CACUL1: variants seen among roughly 807,000 people sequenced by gnomAD.
CACUL1 encodes CDK2 associated cullin domain 1.
Under a neutral mutation model 45.2 loss-of-function variants are expected in CACUL1, and 13 were observed. The observed-to-expected ratio is 0.29, with a 90% CI of 0.19 to 0.46. The LOEUF (loss-of-function observed/expected upper bound fraction) is 0.46, where lower values mean the gene tolerates loss of function less well. CACUL1 is among the 20% of genes least tolerant of loss of function. CACUL1 has a pLI of 1.00. For synonymous variants in CACUL1, 197 were observed against 174.2 expected, an observed-to-expected ratio of 1.13 and a Z score of -1.03; for missense variants, 421 against 471.4, an observed-to-expected ratio of 0.89 and a Z score of 0.99.
chr10:118,744,382 G>A (rs540348238), intron 1 of CACUL1, among the ~76,000 whole-genome samples: 11 of 150,806 alleles, frequency 7.3e-5, no homozygotes, highest in South Asian at 4.2e-4. Flanking sequence ...GCAAAACTCC[G>A]TCTCAAAACA....
At chr10:118,691,947 T>G (rs1361435939) in intron 6 of CACUL1, among the ~76,000 whole-genome samples, 2 of 151,096 alleles carry the variant, frequency 1.3e-5, no homozygotes, top group Admixed American at 6.6e-5. Flanking sequence ...TTTAACAGAA[T>G]TTAGTGAAAA....
At chr10:118,727,194 G>C (rs1465461625) in intron 3 of CACUL1, among the ~76,000 whole-genome samples, 1 of 151,998 alleles carries the variant, frequency 6.6e-6, no homozygotes, top group African/African-American at 2.4e-5. Context: ...TTTGAGACCA[G>C]CATGAGCAAC....
chr10:118,700,212 G>A (rs1457804745), intron 5 of CACUL1, among the ~76,000 whole-genome samples: 1 of 152,034 alleles, frequency 6.6e-6, no homozygotes, highest in Non-Finnish European at 1.5e-5. Flanking sequence ...ACGGCTCAAA[G>A]GAAAGCAAAA....
rs1281797049 is a variant in CACUL1 at position 118,754,795 on chromosome 10, G to C, written c.-33C>G. 1 of 1,523,976 alleles carries C rather than the reference G, an allele frequency of 6.6e-7. No individual in the cohort carries two copies. The allele number at this position is 1,523,976 out of a possible 1,614,324, so 94.4% of individuals were successfully genotyped here. On this transcript the variant is annotated 5_prime_UTR_variant, in exon 1 of 9. Transcript: ENST00000369151. Reference sequence around the variant, plus strand: ...GCCCCCGGCACCCGCCCGCCTCACAGGCACCTGCCGCCTGTCTCAACCCCG... The same window carrying C: ...GCCCCCGGCACCCGCCCGCCTCACACGCACCTGCCGCCTGTCTCAACCCCG...
At chr10:118,706,807 G>T (rs759423703) in intron 4 of CACUL1, among the ~76,000 whole-genome samples, 16 of 152,118 alleles carry the variant, frequency 1.1e-4, no homozygotes, top group Non-Finnish European at 2.2e-4. Flanking sequence ...GGGTAGTTTT[G>T]TTTTGTTTTT....
chr10:118,709,461 G>C (rs1033479908), intron 3 of CACUL1, among the ~76,000 whole-genome samples: 3 of 152,204 alleles, frequency 2.0e-5, no homozygotes, highest in African/African-American at 7.2e-5. Context: ...TCTAAGACTA[G>C]ACCGTTAGCC....
intron 5 of CACUL1, among the ~76,000 whole-genome samples, chr10:118,700,270 G>A (rs1207613496): frequency 6.6e-6 from 1 of 152,140 alleles, no homozygotes; most frequent in Non-Finnish European, 1.5e-5. Context: ...AAAATGACTT[G>A]ATGTGTCACA....
At chr10:118,697,268 CAAAATAAAA>C (rs1413079327) in intron 5 of CACUL1, among the ~76,000 whole-genome samples, 1 of 152,000 alleles carries the variant, frequency 6.6e-6, no homozygotes, top group East Asian at 1.9e-4. Context: ...AAACTGAGGC[CAAAATAAAA>C]ACTCATCACT....
Position 118,730,392 on chromosome 10 carries a change from A to C in CACUL1, c.386T>G (p.Ile129Ser). Residue 129 changes from isoleucine (I) to serine (S), a missense_variant, in exon 2 of 9, where the codon ATT becomes AGT. Ile to Ser is a moderately radical substitution (Grantham distance 142). Transcript: ENST00000369151. ...CCAGTATGTGCTCTTATAATCTTCA[A>C]TAGTTATAACATTCATTACTAAAAG... ...TSKFLMNVIT[I>S]EDYKSTYWPK... The C allele has an allele frequency of 6.2e-7, 1 of 1,612,918 alleles. No homozygotes were observed. Among genetic ancestry groups the C allele is most frequent in the Non-Finnish European group, 8.5e-7 (1 of 1,179,042 alleles).
Position 118,742,317 on chromosome 10 carries a change from T to A in CACUL1, c.368-11907A>T, listed in dbSNP as rs1326194. ...CCTGTCAAGACATACCATAAAAGGA[T>A]ATTAACAATCAACCTTTATATAGTG... On this transcript the variant is annotated intron_variant, in intron 1 of 8. Coordinates refer to ENST00000369151, the MANE Select transcript of CACUL1 (RefSeq NM_153810.5). 8.8e-4 allele frequency among the ~76,000 whole-genome samples: 134 copies of A among 152,344 alleles called. 1 individual carries two copies. Among genetic ancestry groups the A allele is most frequent in the African/African-American group, 3.1e-3 (128 of 41,578 alleles).
rs1036586798 is a variant in CACUL1, at chr10:118,729,283, T to A, written c.597+12A>T. The A allele has an allele frequency of 1.9e-6, 3 of 1,594,736 alleles. No individual in the cohort carries two copies. In the African/African-American group the frequency reaches 4.0e-5, roughly 21 times the overall value. On this transcript the variant is annotated intron_variant, in intron 3 of 8. Coordinates refer to ENST00000369151, the MANE Select transcript of CACUL1 (RefSeq NM_153810.5). ...CCCAAGGAAGCAAAAATCAATACAA[T>A]CAGTTCTTTACCTGCAGCTCCTTTG...
chr10:118,696,777 A>G (rs915706577), intron 5 of CACUL1, among the ~76,000 whole-genome samples: 2 of 152,264 alleles, frequency 1.3e-5, no homozygotes, highest in African/African-American at 4.8e-5. Context: ...ATGTTGCTTT[A>G]AAATGCAGTG....
intron 6 of CACUL1, among the ~76,000 whole-genome samples, chr10:118,691,866 CAAAAAAAAAAAAAAA>C (rs754241223): frequency 4.2e-5 from 4 of 95,460 alleles, no homozygotes; most frequent in African/African-American, 1.6e-4. Flanking sequence ...GACTCCGTCT[CAAAAAAAAAAAAAAA>C]AAAAAAAAAG....
chr10:118,688,640 A>G (rs1845231374), intron 7 of CACUL1, among the ~76,000 whole-genome samples: 1 of 152,170 alleles, frequency 6.6e-6, no homozygotes, highest in African/African-American at 2.4e-5. Flanking sequence ...TGCTCAGCTA[A>G]AAGACCTATG....
intron 6 of CACUL1, among the ~76,000 whole-genome samples, chr10:118,694,528 G>C (rs1554894347): frequency 6.6e-6 from 1 of 152,158 alleles, no homozygotes; most frequent in Non-Finnish European, 1.5e-5. Context: ...TAAGTTGCTA[G>C]ACAACTCTAT....
At chr10:118,718,869 G>A (rs1407436040) in intron 3 of CACUL1, among the ~76,000 whole-genome samples, 1 of 152,186 alleles carries the variant, frequency 6.6e-6, no homozygotes, top group Non-Finnish European at 1.5e-5. Flanking sequence ...CACCGCGCCC[G>A]GCCAAGGCAT....
chr10:118,686,822 A>C (rs969496279), intron 7 of CACUL1, 181 bp from the exon 8 acceptor site: 1 of 602,414 alleles, frequency 1.7e-6, no homozygotes, highest in Non-Finnish European at 3.0e-6. Context: ...AGATGGAAGA[A>C]CATGAGCCTT....
chr10:118,719,069 A>G (rs1845574926), intron 3 of CACUL1, among the ~76,000 whole-genome samples: 2 of 152,266 alleles, frequency 1.3e-5, no homozygotes, highest in African/African-American at 4.8e-5. Flanking sequence ...GACACTTTAA[A>G]TAACTATGAT....
At chr10:118,722,645 T>C (rs1215446897) in intron 3 of CACUL1, among the ~76,000 whole-genome samples, 1 of 152,242 alleles carries the variant, frequency 6.6e-6, no homozygotes, top group Non-Finnish European at 1.5e-5. Context: ...AGAGAGATGA[T>C]GTTGGCAATT....
Sources: allele counts gnomAD v4.1 joint callset (sites outside exome capture counted in the v4.1 genomes callset), GRCh38; gene constraint gnomAD v4.1.1; transcripts MANE v1.5; gene names NCBI Gene and HGNC (gene_info 2026-07-23, HGNC 2026-07-21).